CMIP: variants seen among roughly 807,000 people sequenced by gnomAD.
The protein encoded by CMIP is c-Maf inducing protein, also known as C-Maf-inducing protein.
In CMIP, 13 loss-of-function variants were observed where a neutral mutation model predicts 97.3. That is an observed-to-expected ratio of 0.13 (90% confidence interval 0.09 to 0.21). The LOEUF is 0.21. Among genes scored for constraint, CMIP ranks in the 10% least tolerant of loss-of-function variants. The pLI, the probability that CMIP is intolerant of heterozygous loss-of-function variation, is 1.00. For missense variants in CMIP, 847 were observed against 1,024.9 expected (o/e 0.83, Z 2.37); for synonymous variants, 538 against 436.3 (o/e 1.23, Z -2.91).
chr16:81,570,995 A>C (rs989314565), intron 1 of CMIP, among the ~76,000 whole-genome samples: 2 of 152,178 alleles, frequency 1.3e-5, no homozygotes, highest in African/African-American at 4.8e-5. Context: ...CTCTGAATCA[A>C]CTGTGGACTT....
At chr16:81,448,728 C>G (rs895611900) in intron 1 of CMIP, among the ~76,000 whole-genome samples, 1 of 152,220 alleles carries the variant, frequency 6.6e-6, no homozygotes, top group East Asian at 1.9e-4. Context: ...CCGAAATGCT[C>G]GTAAACAAAG....
At chr16:81,468,429 G>A (rs879339266) in intron 1 of CMIP, among the ~76,000 whole-genome samples, 80 of 152,392 alleles carry the variant, frequency 5.2e-4, no homozygotes, top group Non-Finnish European at 2.5e-4. Flanking sequence ...TTGAGGGCAA[G>A]GATGGAACCT....
intron 1 of CMIP, among the ~76,000 whole-genome samples, chr16:81,577,564 T>A (rs1210017414): frequency 6.9e-6 from 1 of 145,074 alleles, no homozygotes; most frequent in Non-Finnish European, 1.5e-5. Flanking sequence ...ACTATCACCA[T>A]CATCACCATC....
At chr16:81,525,993 TGTGTG>T (rs1369015194) in intron 1 of CMIP, among the ~76,000 whole-genome samples, 1 of 33,266 alleles carries the variant, frequency 3.0e-5, no homozygotes, top group African/African-American at 2.0e-4. Context: ...TGTGTGTGTG[TGTGTG>T]TGTGTGTGTC....
intron 1 of CMIP, among the ~76,000 whole-genome samples, chr16:81,553,415 G>C (rs2090698357): frequency 6.6e-6 from 1 of 152,316 alleles, no homozygotes; most frequent in African/African-American, 2.4e-5. Context: ...TTTGCACTGG[G>C]GGAAGCGCTG....
At position 81,562,781 on chromosome 16, in the gene CMIP, AT is replaced by A. The variant is rs199858867; in HGVS notation, c.301-44778del. Among the ~76,000 whole-genome samples, 1,383 of 151,600 alleles carry A rather than the reference AT, an allele frequency of 9.1e-3. 24 individuals are homozygous for A. The highest frequency in any genetic ancestry group is 0.032 in the African/African-American group (1,321 of 41,060). ...TACCCATCCAGTGAGGGACGTAAAT[AT>A]TTTTTTTCATTTTTCAAATGTGGAA... On this transcript the variant is annotated intron_variant, in intron 1 of 20. Transcript: ENST00000537098.
intron 1 of CMIP, among the ~76,000 whole-genome samples, chr16:81,501,266 A>G (rs911652449): frequency 1.3e-5 from 2 of 152,236 alleles, no homozygotes; most frequent in Non-Finnish European, 2.9e-5. Context: ...AGAGAAAAGG[A>G]GAACAACTTT....
chr16:81,594,586 A>G (rs2150923688), intron 1 of CMIP, among the ~76,000 whole-genome samples: 1 of 152,006 alleles, frequency 6.6e-6, no homozygotes, highest in African/African-American at 2.4e-5. Context: ...TTTTTCCTAA[A>G]CATATATATA....
intron 1 of CMIP, among the ~76,000 whole-genome samples, chr16:81,604,118 G>A (rs1240378273): frequency 6.6e-6 from 1 of 152,208 alleles, no homozygotes; most frequent in Non-Finnish European, 1.5e-5. Context: ...TATGGGTTGG[G>A]TGTGGTGGCT....
intron 1 of CMIP, among the ~76,000 whole-genome samples, chr16:81,446,204 C>T (rs912690820): frequency 6.6e-6 from 1 of 151,862 alleles, no homozygotes; most frequent in Non-Finnish European, 1.5e-5. Context: ...GAGTTCTAGC[C>T]TAGAAGCTGC....
At chr16:81,578,466 G>A (rs2091239767) in intron 1 of CMIP, among the ~76,000 whole-genome samples, 1 of 152,196 alleles carries the variant, frequency 6.6e-6, no homozygotes, top group Non-Finnish European at 1.5e-5. Flanking sequence ...TGAGCAAGGG[G>A]AAGAACACAG....
intron 3 of CMIP, among the ~76,000 whole-genome samples, chr16:81,642,173 T>C (rs550995808): frequency 4.6e-5 from 7 of 152,346 alleles, no homozygotes; most frequent in Admixed American, 3.9e-4. Flanking sequence ...TCTTGGAAAA[T>C]GTCAGCCCTT....
At position 81,616,181 on chromosome 16, in the gene CMIP, G is replaced by T. The variant is rs940168106; in HGVS notation, c.427-4695G>T. 1.3e-5 allele frequency among the ~76,000 whole-genome samples: 2 copies of T among 149,196 alleles called. No individual in the cohort carries two copies. Among genetic ancestry groups the T allele is most frequent in the African/African-American group, 2.5e-5 (1 of 40,398 alleles). On this transcript the variant is annotated intron_variant, in intron 2 of 20. Transcript: ENST00000537098. The surrounding 1 kb of genome is among the most constrained non-coding windows in gnomAD (Gnocchi z 4.7). ...TTTTTTTTTTTTTTTTTAACACCAG[G>T]CTCACTGGAGCAGTCGCAGTTAATC...
At chr16:81,486,263 G>A (rs2089312365) in intron 1 of CMIP, among the ~76,000 whole-genome samples, 1 of 152,164 alleles carries the variant, frequency 6.6e-6, no homozygotes, top group Non-Finnish European at 1.5e-5. Context: ...TGGAGTTGAT[G>A]GACTTAATTC....
chr16:81,574,150 C>T (rs1013571690), intron 1 of CMIP, among the ~76,000 whole-genome samples: 1 of 152,218 alleles, frequency 6.6e-6, no homozygotes, highest in Non-Finnish European at 1.5e-5. Flanking sequence ...AGAACATTTC[C>T]ATCATCGTAG....
intron 1 of CMIP, among the ~76,000 whole-genome samples, chr16:81,600,681 G>C (rs2091643018): frequency 6.6e-6 from 1 of 152,230 alleles, no homozygotes; most frequent in African/African-American, 2.4e-5. Flanking sequence ...CACAGCATCA[G>C]GAATGGACTC....
At chr16:81,661,924 T>C (rs938231098) in intron 6 of CMIP, among the ~76,000 whole-genome samples, 1 of 152,162 alleles carries the variant, frequency 6.6e-6, no homozygotes, top group African/African-American at 2.4e-5. Flanking sequence ...GGGCCTGGAA[T>C]GACCCCCACC....
Position 81,711,323 on chromosome 16 carries a change from T to C in CMIP, c.*1524T>C, listed in dbSNP as rs1908750874. The stretch of plus-strand genomic sequence containing the variant: ...AATGGAAACCATGCTTTTGTCGTTT[T>C]ATACTTTGCTAGGTAGACTTTATTA... On this transcript the variant is annotated 3_prime_UTR_variant, in exon 21 of 21. Coordinates refer to ENST00000537098, the MANE Select transcript of CMIP (RefSeq NM_198390.3). 1 of 152,440 alleles carries C rather than the reference T, an allele frequency of 6.6e-6. No individual in the cohort carries two copies. Among genetic ancestry groups the C allele is most frequent in the Non-Finnish European group, 1.5e-5 (1 of 68,032 alleles). The allele number at this position is 152,440 out of a possible 1,614,324, so 9.4% of individuals were successfully genotyped here.
intron 1 of CMIP, among the ~76,000 whole-genome samples, chr16:81,569,076 A>G (rs11644375): frequency 0.41 from 62,500 of 152,122 alleles, 14,819 homozygotes; most frequent in Non-Finnish European, 0.53. Context: ...CATTTTACGA[A>G]GAAGGCATCT....
Sources: gnomAD v4.1 joint callset for allele counts (sites outside exome capture counted in the v4.1 genomes callset) on GRCh38, gnomAD v4.1.1 for gene constraint, Gnocchi (gnomAD v3.1) non-coding constraint, MANE v1.5 for transcripts, NCBI Gene and HGNC (gene_info 2026-07-23, HGNC 2026-07-21) for gene names.